ABCC4: variants seen among roughly 807,000 people sequenced by gnomAD.
The protein encoded by ABCC4 is ATP binding cassette subfamily C member 4 (PEL blood group).
A neutral mutation model predicts 168.5 loss-of-function variants in ABCC4; 102 were observed. That is an observed-to-expected ratio of 0.61 (90% CI 0.52 to 0.71). The LOEUF (loss-of-function observed/expected upper bound fraction) is 0.71. Ranked by LOEUF, ABCC4 falls within the 30% of genes least tolerant of loss-of-function variation. ABCC4 has a pLI of 0.00. For synonymous variants in ABCC4, 617 were observed against 590.7 expected (o/e 1.04, Z -0.65); for missense variants, 1,402 against 1,605.8 (o/e 0.87, Z 2.17).
At chr13:95,241,518 C>A (rs1351541837) in intron 3 of ABCC4, among the ~76,000 whole-genome samples, 1 of 152,152 alleles carries the variant, frequency 6.6e-6, no homozygotes, top group Non-Finnish European at 1.5e-5. Flanking sequence ...CAAGCTCCTC[C>A]TTCCTCCTGC....
chr13:95,038,715 G>C (rs2032232119), intron 29 of ABCC4, among the ~76,000 whole-genome samples: 1 of 152,204 alleles, frequency 6.6e-6, no homozygotes, highest in Non-Finnish European at 1.5e-5. Flanking sequence ...TGACGTGTGA[G>C]CAGGCACCCC....
chr13:95,092,722 AAGATC>A (rs1432379143), intron 20 of ABCC4, among the ~76,000 whole-genome samples: 1 of 152,198 alleles, frequency 6.6e-6, no homozygotes, highest in Non-Finnish European at 1.5e-5. Context: ...GGAAATAACT[AAGATC>A]AGAGCAGAAC....
chr13:95,052,709 GA>G (rs2032893654), intron 27 of ABCC4, among the ~76,000 whole-genome samples: 1 of 151,682 alleles, frequency 6.6e-6, no homozygotes, highest in Admixed American at 6.6e-5. Flanking sequence ...TTTAGTTAAT[GA>G]AAAACGACTA....
intron 2 of ABCC4, among the ~76,000 whole-genome samples, chr13:95,247,418 C>T (rs750266264): frequency 2.2e-4 from 33 of 152,300 alleles, no homozygotes; most frequent in African/African-American, 6.7e-4. Context: ...TCAGGCATCT[C>T]GGGCCTTTGG....
chr13:95,033,637 T>C (rs1287514626), intron 30 of ABCC4, among the ~76,000 whole-genome samples: 1 of 151,932 alleles, frequency 6.6e-6, no homozygotes, highest in Non-Finnish European at 1.5e-5. Context: ...TATAAATTCT[T>C]GATTTGTCCT....
intron 20 of ABCC4, among the ~76,000 whole-genome samples, chr13:95,107,885 G>A (rs928108408): frequency 6.6e-6 from 1 of 152,128 alleles, no homozygotes; most frequent in African/African-American, 2.4e-5. Flanking sequence ...TTTGCAGCGA[G>A]CAGAGATCAC....
intron 9 of ABCC4, among the ~76,000 whole-genome samples, chr13:95,194,379 TG>T (rs985747792): frequency 5.9e-5 from 9 of 152,138 alleles, no homozygotes; most frequent in Admixed American, 4.6e-4. Context: ...CCCAACCCCG[TG>T]GCAAAAATCC....
chr13:95,252,800 T>C (rs1344532542), intron 1 of ABCC4, among the ~76,000 whole-genome samples: 1 of 152,214 alleles, frequency 6.6e-6, no homozygotes, highest in African/African-American at 2.4e-5. Context: ...TTCCCCTGCC[T>C]CCTCGGACTG....
chr13:95,019,838 A>G lies in ABCC4; in HGVS notation c.*1737T>C, dbSNP rs2030994150. ...CACAGAAATACAGATCTCTGAATGG[A>G]GATGAAAACTATCATTTATTTCAAT... On this transcript the variant is annotated 3_prime_UTR_variant, in exon 31 of 31. Coordinates refer to ENST00000645237, the MANE Select transcript of ABCC4 (RefSeq NM_005845.5). 6.6e-6 allele frequency: 1 copy of G among 152,248 alleles called. No homozygotes were observed. The highest frequency in any genetic ancestry group is 2.4e-5 in the African/African-American group (1 of 41,460). The allele number at this position is 152,248 out of a possible 1,614,324, so 9.4% of individuals were successfully genotyped here.
At chr13:95,252,701 T>C (rs180932183) in intron 1 of ABCC4, among the ~76,000 whole-genome samples, 1 of 151,994 alleles carries the variant, frequency 6.6e-6, no homozygotes. Context: ...CCAACAAAGA[T>C]ATGTGTAAGT....
intron 19 of ABCC4, among the ~76,000 whole-genome samples, chr13:95,116,361 G>T (rs1181306893): frequency 6.6e-6 from 1 of 152,132 alleles, no homozygotes; most frequent in Non-Finnish European, 1.5e-5. Flanking sequence ...TGAACGTACA[G>T]AAATTGATCC....
intron 13 of ABCC4, among the ~76,000 whole-genome samples, chr13:95,177,056 G>A (rs1244185428): frequency 6.6e-6 from 1 of 152,138 alleles, no homozygotes; most frequent in Non-Finnish European, 1.5e-5. Context: ...AGTTTCAAAG[G>A]CAAGCCAGGC....
At chr13:95,234,195 GAAC>G (rs4148461) in intron 4 of ABCC4, among the ~76,000 whole-genome samples, 2,411 of 152,250 alleles carry the variant, frequency 0.016, 55 homozygotes, top group East Asian at 0.083. Flanking sequence ...AGGTTTTAAT[GAAC>G]AACAACAAAA....
chr13:95,123,532 T>C (rs2035649884), intron 19 of ABCC4, among the ~76,000 whole-genome samples: 1 of 152,116 alleles, frequency 6.6e-6, no homozygotes, highest in South Asian at 2.1e-4. Flanking sequence ...CAGCAAATTT[T>C]TGTATTTTTA....
At chr13:95,288,212 A>T (rs17235173) in intron 1 of ABCC4, among the ~76,000 whole-genome samples, 1 of 152,118 alleles carries the variant, frequency 6.6e-6, no homozygotes, top group Non-Finnish European at 1.5e-5. Flanking sequence ...ATACAAGATC[A>T]TGGGTCTTCT....
In ABCC4 at chr13:95,164,510, A is replaced by G; in HGVS notation, c.2043T>C (p.Asn681=). The part of the protein sequence containing the change: ...DGALESQDTE[N]VPVTLSEENR... ...TCTCCTCTGATAGTGTAACTGGGAC[A>G]TTCTCTGTCTGCAGAGGAAAAAAGG... Residue 681 remains asparagine, a synonymous_variant, in exon 16 of 31, where the codon AAT becomes AAC. Coordinates refer to ENST00000645237, the MANE Select transcript of ABCC4 (RefSeq NM_005845.5). 1 of 1,614,146 alleles carries G rather than the reference A, an allele frequency of 6.2e-7. No individual in the cohort carries two copies. The highest frequency in any genetic ancestry group is 8.5e-7 in the Non-Finnish European group (1 of 1,180,000).
intron 25 of ABCC4, 99 bp downstream of exon 25, chr13:95,071,563 G>T: frequency 9.5e-7 from 1 of 1,051,846 alleles, no homozygotes; most frequent in Non-Finnish European, 1.3e-6. Context: ...GTTAACCTAC[G>T]TATCACTGAT....
intron 29 of ABCC4, among the ~76,000 whole-genome samples, chr13:95,038,855 A>C (rs1178682548): frequency 6.6e-6 from 1 of 152,160 alleles, no homozygotes; most frequent in Non-Finnish European, 1.5e-5. Flanking sequence ...CTGGCCCTGG[A>C]AAACAGATAT....
intron 1 of ABCC4, among the ~76,000 whole-genome samples, chr13:95,278,908 AT>A (rs949136266): frequency 1.6e-4 from 23 of 147,668 alleles, no homozygotes; most frequent in East Asian, 7.9e-4. Flanking sequence ...AAACCAAGGT[AT>A]TTTTTTTTTC....
Sources: allele counts gnomAD v4.1 joint callset (sites outside exome capture counted in the v4.1 genomes callset), GRCh38; gene constraint gnomAD v4.1.1; transcripts MANE v1.5; gene names NCBI Gene and HGNC (gene_info 2026-07-23, HGNC 2026-07-21).